ZNF875: variants seen among roughly 807,000 people sequenced by gnomAD.
The protein encoded by ZNF875 is HKR1, GLI-Kruppel zinc finger family member.
ZNF875 carries 14 observed loss-of-function variants against 11.2 expected under a neutral mutation model. The ratio of observed to expected loss-of-function variants is 1.26; its 90% confidence interval spans 0.83 to 1.96. The LOEUF (loss-of-function observed/expected upper bound fraction) is 1.96. Among genes scored for constraint, ZNF875 ranks in the 30% most tolerant of loss-of-function variants. ZNF875 has a pLI of 0.00. For missense variants in ZNF875, 752 were observed against 760.4 expected (o/e 0.99, Z 0.13); for synonymous variants, 301 against 281.1 (o/e 1.07, Z -0.71).
chr19:37,342,806 A>G (rs943848998), intron 2 of ZNF875, among the ~76,000 whole-genome samples: 2 of 152,176 alleles, frequency 1.3e-5, no homozygotes, highest in African/African-American at 2.4e-5. Flanking sequence ...CATGCAGGCA[A>G]TAGCTTTGCT....
At chr19:37,362,068 C>T in intron 4 of ZNF875, 41 bp from the exon 5 acceptor site, 1 of 1,445,350 alleles carries the variant, frequency 6.9e-7, no homozygotes, top group Non-Finnish European at 9.5e-7. Flanking sequence ...GCCTACACAG[C>T]CCTACCTATG....
intron 2 of ZNF875, among the ~76,000 whole-genome samples, chr19:37,342,443 A>C: frequency 7.4e-6 from 1 of 134,448 alleles, no homozygotes; most frequent in East Asian, 2.1e-4. Context: ...ATGAAGTTTC[A>C]CTCTTGTTGC....
intron 4 of ZNF875, among the ~76,000 whole-genome samples, chr19:37,357,666 TATTGATTTTTGTAC>T (rs1434115627): frequency 2.0e-5 from 3 of 152,300 alleles, no homozygotes; most frequent in African/African-American, 7.2e-5. Context: ...ATAGAAATGC[TATTGATTTTTGTAC>T]ATTGATTTTG....
chr19:37,327,891 C>T (rs2032765082), intron 4 of ZNF875, among the ~76,000 whole-genome samples: 1 of 152,016 alleles, frequency 6.6e-6, no homozygotes, highest in South Asian at 2.1e-4. Context: ...TGATTGTGTT[C>T]TTTCCTGTGC....
At chr19:37,318,242 A>G (rs1431392061) in intron 1 of ZNF875, 1 of 152,450 alleles carries the variant, frequency 6.6e-6, no homozygotes, top group Non-Finnish European at 1.5e-5. Flanking sequence ...ATTTCTAGGC[A>G]GGTGTTTTGT....
intron 1 of ZNF875, 48 bp from the exon 2 acceptor site, chr19:37,335,104 TGCGCTTCACTTCGTGGG>T: frequency 1.5e-6 from 1 of 658,376 alleles, no homozygotes. Context: ...TGGAGCGGAC[TGCGCTTCACTTCGTGGG>T]GAGGGTGTTT....
chr19:37,315,385 T>A (rs1437042759), upstream of ZNF875: 1 of 152,128 alleles, frequency 6.6e-6, no homozygotes, highest in Non-Finnish European at 1.5e-5. Flanking sequence ...AATGGCAAGG[T>A]TTTTATACAT....
chr19:37,319,365 A>ATATATATATATATATATATATATATG (rs1358298797), intron 1 of ZNF875, among the ~76,000 whole-genome samples: 1 of 144,726 alleles, frequency 6.9e-6, no homozygotes, highest in African/African-American at 2.6e-5. Flanking sequence ...ATATATATAT[A>ATATATATATATATATATATATATATG]TATAATAAAA....
At chr19:37,360,553 C>G (rs1028303147) in intron 4 of ZNF875, among the ~76,000 whole-genome samples, 2 of 152,182 alleles carry the variant, frequency 1.3e-5, no homozygotes, top group African/African-American at 4.8e-5. Flanking sequence ...TAATAGTAAG[C>G]CTTCCAATCT....
chr19:37,347,738 C>A, intron 3 of ZNF875, 39 bp from the exon 4 acceptor site: 2 of 1,324,352 alleles, frequency 1.5e-6, no homozygotes, highest in South Asian at 1.2e-5. Context: ...CTCTTGAGCC[C>A]ATAACCAACA....
intron 4 of ZNF875, among the ~76,000 whole-genome samples, chr19:37,357,614 T>A (rs1290569686): frequency 1.3e-5 from 2 of 152,176 alleles, no homozygotes; most frequent in East Asian, 3.9e-4. Context: ...GTAAATGGGA[T>A]CTTGTTCTTT....
At chr19:37,313,712 T>C (rs1360038140), upstream of ZNF875, among the ~76,000 whole-genome samples, 2 of 150,820 alleles carry the variant, frequency 1.3e-5, no homozygotes, top group East Asian at 2.0e-4. Flanking sequence ...AATACACTCA[T>C]GGGAGACTGT....
chr19:37,351,455 C>T (rs1434351220), intron 4 of ZNF875, among the ~76,000 whole-genome samples: 2 of 152,064 alleles, frequency 1.3e-5, no homozygotes, highest in East Asian at 3.9e-4. Flanking sequence ...TCTTTTTCTG[C>T]ATTCTACTTT....
upstream of ZNF875, among the ~76,000 whole-genome samples, chr19:37,330,695 G>GT (rs2033234466): frequency 6.6e-6 from 1 of 152,080 alleles, no homozygotes; most frequent in South Asian, 2.1e-4. Context: ...GTCTCATTCT[G>GT]TAAGTCTTGG....
intron 4 of ZNF875, 95 bp from the exon 5 acceptor site, chr19:37,362,014 A>C (rs1368338086): frequency 2.7e-6 from 2 of 732,394 alleles, no homozygotes; most frequent in Non-Finnish European, 4.7e-6. Flanking sequence ...TTGTGATGTA[A>C]ATATGTAAAT....
chr19:37,337,806 A>G (rs2034829028), intron 2 of ZNF875: 1 of 152,050 alleles, frequency 6.6e-6, no homozygotes, highest in Non-Finnish European at 1.5e-5. Flanking sequence ...ATTGAATGCA[A>G]TTAACATTCA....
At chr19:37,359,433 C>G (rs1341049687) in intron 4 of ZNF875, 1 of 255,248 alleles carries the variant, frequency 3.9e-6, no homozygotes, top group Admixed American at 5.0e-5. Flanking sequence ...TAGATGGAGC[C>G]TTGCTCTGTT....
chr19:37,318,099 T>C, exon 1 of ZNF875: 1 of 154,636 alleles, frequency 6.5e-6, no homozygotes, highest in Non-Finnish European at 1.4e-5. Context: ...TCCCGGCCCT[T>C]CCCCATCCGT....
Position 37,362,188 on chromosome 19 carries a change from GCTGAGTCAT to G in ZNF875, c.339_347del (p.His115_Ser117del). On this transcript the variant is annotated inframe_deletion, in exon 5 of 5. Transcript: ENST00000392153. ...AGCAAGCTCTCAGCCAACATGTGTG[GCTGAGTCAT>G]CTCTCTCAGCTGTTTTCAAGTTTAT... The G allele has an allele frequency of 6.2e-7, 1 of 1,614,122 alleles. No individual in the cohort carries two copies. Among genetic ancestry groups the G allele is most frequent in the Non-Finnish European group, 8.5e-7 (1 of 1,180,018 alleles).
Sources: gnomAD v4.1 joint callset for allele counts (sites outside exome capture counted in the v4.1 genomes callset) on GRCh38, gnomAD v4.1.1 for gene constraint, MANE v1.5 for transcripts, NCBI Gene and HGNC (gene_info 2026-07-23, HGNC 2026-07-21) for gene names.